The following GMDS variants were observed in gnomAD, a reference collection of about 807,000 sequenced individuals.
GMDS encodes GDP-mannose 4,6-dehydratase.
GMDS carries 20 observed loss-of-function variants against 49.9 expected under a neutral mutation model. That is an observed-to-expected ratio of 0.40 (90% CI 0.28 to 0.58). The LOEUF (loss-of-function observed/expected upper bound fraction) is 0.58, where lower values mean the gene tolerates loss of function less well. GMDS is among the 20% of genes least tolerant of loss of function. GMDS has a pLI of 0.42. For missense variants in GMDS, 362 were observed against 481.4 expected (o/e 0.75, Z 2.32); for synonymous variants, 177 against 178.6 (o/e 0.99, Z 0.07).
At chr6:1,667,653 GACTA>G (rs1764276236) in intron 9 of GMDS, among the ~76,000 whole-genome samples, 1 of 151,030 alleles carries the variant, frequency 6.6e-6, no homozygotes, top group African/African-American at 2.4e-5. Flanking sequence ...CCTGTCTGAA[GACTA>G]ACTGGTCTAA....
At chr6:1,870,119 C>A in intron 7 of GMDS, among the ~76,000 whole-genome samples, 1 of 152,198 alleles carries the variant, frequency 6.6e-6, no homozygotes, top group East Asian at 1.9e-4. Context: ...TCTGCCAGCA[C>A]GGTGTCTCTG....
At chr6:1,762,507 G>A (rs770532578) in intron 7 of GMDS, among the ~76,000 whole-genome samples, 2 of 152,216 alleles carry the variant, frequency 1.3e-5, no homozygotes, top group Non-Finnish European at 2.9e-5. Flanking sequence ...AGACATATAA[G>A]TTAATCAGCT....
In GMDS at chr6:2,199,009, T is replaced by C. The variant is rs183327662; in HGVS notation, c.102+46312A>G. Among the ~76,000 whole-genome samples, 36 of 152,328 alleles carry C rather than the reference T, an allele frequency of 2.4e-4. No individual in the cohort carries two copies. The East Asian group carries it at 4.8e-3, about 20-fold the overall frequency. ...TGCCATTGCTAACCTAAAGAGAACA[T>C]ACAACTATCTTTATACATAAAGCTG... On this transcript the variant is annotated intron_variant, in intron 1 of 10. Coordinates refer to ENST00000380815, the MANE Select transcript of GMDS (RefSeq NM_001500.4).
At chr6:1,854,191 A>G (rs913988414) in intron 7 of GMDS, among the ~76,000 whole-genome samples, 1 of 152,246 alleles carries the variant, frequency 6.6e-6, no homozygotes, top group Non-Finnish European at 1.5e-5. Flanking sequence ...TTTAATGTGC[A>G]CCAATTTTCC....
chr6:1,669,899 C>T (rs989039178), intron 9 of GMDS, among the ~76,000 whole-genome samples: 6 of 112,602 alleles, frequency 5.3e-5, no homozygotes, highest in Admixed American at 2.7e-4. Flanking sequence ...GGTGAAAAAG[C>T]GAGACGAGAC....
At chr6:2,013,075 C>G (rs796717322) in intron 4 of GMDS, among the ~76,000 whole-genome samples, 40 of 152,290 alleles carry the variant, frequency 2.6e-4, no homozygotes, top group African/African-American at 9.4e-4. Context: ...ATTCTGGCCA[C>G]AGGCCAGAAA....
chr6:1,932,623 C>T (rs531889124), intron 6 of GMDS, among the ~76,000 whole-genome samples: 9 of 151,178 alleles, frequency 6.0e-5, no homozygotes, highest in Admixed American at 1.3e-4. Context: ...CTGCAAGCTC[C>T]GCCTCCCGGG....
At chr6:1,742,012 C>T (rs1200809674) in intron 8 of GMDS, among the ~76,000 whole-genome samples, 1 of 151,118 alleles carries the variant, frequency 6.6e-6, no homozygotes, top group Non-Finnish European at 1.5e-5. Flanking sequence ...ATCTCTGCCT[C>T]CCGGGTTCAA....
At chr6:1,694,529 T>C (rs1181140687) in intron 9 of GMDS, among the ~76,000 whole-genome samples, 1 of 152,204 alleles carries the variant, frequency 6.6e-6, no homozygotes, top group Non-Finnish European at 1.5e-5. Context: ...TCTTATATGC[T>C]TGTCAAAAAA....
intron 1 of GMDS, among the ~76,000 whole-genome samples, chr6:2,131,515 A>G (rs1477946141): frequency 6.6e-6 from 1 of 152,240 alleles, no homozygotes; most frequent in Non-Finnish European, 1.5e-5. Context: ...AACGGTACAC[A>G]TTCAGTACAC....
chr6:1,934,493 C>T (rs556192000), intron 6 of GMDS, among the ~76,000 whole-genome samples: 1 of 152,142 alleles, frequency 6.6e-6, no homozygotes, highest in Non-Finnish European at 1.5e-5. Context: ...CATTATTGTG[C>T]CTTCCGATAC....
intron 9 of GMDS, among the ~76,000 whole-genome samples, chr6:1,657,909 T>C (rs1329910500): frequency 2.2e-5 from 3 of 134,358 alleles, no homozygotes; most frequent in Non-Finnish European, 4.8e-5. Flanking sequence ...TGGCATCCCA[T>C]CCCCCTCCCC....
At chr6:1,727,331 G>A (rs1419622347) in intron 8 of GMDS, among the ~76,000 whole-genome samples, 1 of 152,170 alleles carries the variant, frequency 6.6e-6, no homozygotes, top group East Asian at 1.9e-4. Context: ...TCCATTTTAT[G>A]TTCTCATTTT....
chr6:2,208,895 T>C (rs556756043), intron 1 of GMDS, among the ~76,000 whole-genome samples: 1 of 150,998 alleles, frequency 6.6e-6, no homozygotes, highest in African/African-American at 2.4e-5. Context: ...AATGTTCTCA[T>C]CAGTAGCACA....
chr6:1,749,869 T>C (rs1389571205), intron 7 of GMDS, among the ~76,000 whole-genome samples: 1 of 152,170 alleles, frequency 6.6e-6, no homozygotes, highest in Non-Finnish European at 1.5e-5. Context: ...TCTTACCCTG[T>C]CACCCAGACT....
chr6:2,219,326 C>A (rs891729775), intron 1 of GMDS, among the ~76,000 whole-genome samples: 3 of 152,154 alleles, frequency 2.0e-5, no homozygotes, highest in Non-Finnish European at 4.4e-5. Flanking sequence ...TCCTACAGAA[C>A]CAGTTTGGCT....
intron 2 of GMDS, among the ~76,000 whole-genome samples, chr6:2,121,843 C>T (rs1775154601): frequency 6.6e-6 from 1 of 152,180 alleles, no homozygotes; most frequent in African/African-American, 2.4e-5. Flanking sequence ...CCAACCTGGC[C>T]CTGCTCTCCT....
intron 4 of GMDS, among the ~76,000 whole-genome samples, chr6:2,004,644 T>C (rs1183911365): frequency 6.6e-6 from 1 of 152,056 alleles, no homozygotes; most frequent in African/African-American, 2.4e-5. Flanking sequence ...TTCTGAACTA[T>C]CACTGAACTT....
chr6:1,665,473 A>C (rs1203152954), intron 9 of GMDS, among the ~76,000 whole-genome samples: 1 of 152,226 alleles, frequency 6.6e-6, no homozygotes, highest in Admixed American at 6.5e-5. Flanking sequence ...ATGAAATATG[A>C]ATGTAAAAGA....
Sources: gnomAD v4.1 joint callset for allele counts (sites outside exome capture counted in the v4.1 genomes callset) on GRCh38, gnomAD v4.1.1 for gene constraint, MANE v1.5 for transcripts, NCBI Gene and HGNC (gene_info 2026-07-23, HGNC 2026-07-21) for gene names.